Variants in LRPPRC observed in about 807,000 individuals in gnomAD.
LRPPRC encodes the protein leucine-rich PPR motif-containing protein, mitochondrial.
LRPPRC carries 120 observed loss-of-function variants against 180.3 expected under a neutral mutation model. The ratio of observed to expected loss-of-function variants is 0.67; its 90% CI spans 0.57 to 0.77. LRPPRC has a LOEUF of 0.77. Ranked by LOEUF, LRPPRC falls within the 30% of genes least tolerant of loss-of-function variation. The probability of loss-of-function intolerance (pLI) is 0.00; values close to 1 mark genes in which losing one functional copy is unlikely to be tolerated. For synonymous variants in LRPPRC, 723 were observed against 600.0 expected (o/e 1.21, Z -3.00); for missense variants, 2,012 against 1,657.2 (o/e 1.21, Z -3.72).
In LRPPRC at chr2:43,979,881, C is replaced by T. The variant is rs745849701; in HGVS notation, c.414G>A (p.Lys138=). 2 of 1,613,220 alleles carry T rather than the reference C, an allele frequency of 1.2e-6. No individual in the cohort carries two copies. The highest frequency in any genetic ancestry group is 2.2e-5 in the East Asian group (1 of 44,832). Residue 138 remains lysine, a synonymous_variant, in exon 3 of 38, where the codon AAG becomes AAA. Transcript: ENST00000260665. ...GAGCAAATTCTGTTCTCTCTTCAAG[C>T]TTTAGTTCAGGCAAGAGAGAACCAC... is the stretch of plus-strand genomic sequence containing the variant. ...RSCGSLLPEL[K]LEERTEFAHR...
At chr2:43,933,513 G>A (rs1418829865) in intron 25 of LRPPRC, among the ~76,000 whole-genome samples, 1 of 152,184 alleles carries the variant, frequency 6.6e-6, no homozygotes, top group African/African-American at 2.4e-5. Context: ...TCTGCGGAAT[G>A]TTTTGTTTTC....
intron 23 of LRPPRC, among the ~76,000 whole-genome samples, chr2:43,937,415 C>G (rs1293995625): frequency 6.6e-6 from 1 of 152,078 alleles, no homozygotes; most frequent in Admixed American, 6.5e-5. Context: ...GTGGTTGGAT[C>G]ATGTCATTTT....
intron 30 of LRPPRC, among the ~76,000 whole-genome samples, chr2:43,911,874 A>G (rs1671274635): frequency 6.6e-6 from 1 of 152,060 alleles, no homozygotes; most frequent in Non-Finnish European, 1.5e-5. Context: ...AGGGGGAAAC[A>G]CAAATAAGAT....
intron 13 of LRPPRC, among the ~76,000 whole-genome samples, chr2:43,958,393 A>G (rs1673208208): frequency 6.6e-6 from 1 of 152,236 alleles, no homozygotes; most frequent in African/African-American, 2.4e-5. Context: ...TGGTTTCATT[A>G]AAGAAAAATC....
At position 43,912,545 on chromosome 2, in the gene LRPPRC, A is replaced by C; in HGVS notation, c.3162T>G (p.Ile1054Met). Reference protein sequence around the residue: ...RLNQKKGAYDIFLNAKEQNIV... With the variant: ...RLNQKKGAYDMFLNAKEQNIV... Reference sequence around the variant, plus strand: ...TGTTTTGCTCTTTTGCATTCAGGAAAATATCATATGCCCCTATGAGAGAAA... The same window carrying C: ...TGTTTTGCTCTTTTGCATTCAGGAACATATCATATGCCCCTATGAGAGAAA... Residue 1054 changes from isoleucine to methionine, a missense_variant, in exon 30 of 38, where the codon ATT (isoleucine) becomes ATG (methionine). By Grantham distance (10) the Ile-to-Met change is conservative. Coordinates refer to ENST00000260665, the MANE Select transcript of LRPPRC (RefSeq NM_133259.4). 2.5e-6 allele frequency: 4 copies of C among 1,609,860 alleles called. No homozygotes were observed. The South Asian group carries it at 4.4e-5, about 18-fold the overall frequency.
At chr2:43,970,536 T>C (rs191074825) in intron 11 of LRPPRC, among the ~76,000 whole-genome samples, 3 of 152,298 alleles carry the variant, frequency 2.0e-5, no homozygotes, top group East Asian at 1.9e-4. Flanking sequence ...TAGATATAAA[T>C]AGATTCCAAA....
intron 25 of LRPPRC, among the ~76,000 whole-genome samples, chr2:43,930,885 CAA>C (rs887224750): frequency 6.6e-6 from 1 of 152,080 alleles, no homozygotes; most frequent in Non-Finnish European, 1.5e-5. Flanking sequence ...TGTAAACAAA[CAA>C]ACAGAAAAAT....
At chr2:43,907,891 T>C (rs953832275) in intron 30 of LRPPRC, among the ~76,000 whole-genome samples, 2 of 152,208 alleles carry the variant, frequency 1.3e-5, no homozygotes, top group Admixed American at 6.5e-5. Flanking sequence ...TGTTGCCTTA[T>C]GGTTTTAATG....
chr2:43,971,485 T>TAAAAAGAAAAAAAAAA (rs1673802990), intron 11 of LRPPRC, among the ~76,000 whole-genome samples: 1 of 62,418 alleles, frequency 1.6e-5, no homozygotes, highest in African/African-American at 7.9e-5. Context: ...TGTGTCACAG[T>TAAAAAGAAAAAAAAAA]AAAAAAAAAA....
At position 43,926,453 on chromosome 2, in the gene LRPPRC, C is replaced by T. The variant is rs147890756; in HGVS notation, c.2737-492G>A. 3.0e-3 allele frequency among the ~76,000 whole-genome samples: 464 copies of T among 152,160 alleles called. 2 individuals are homozygous for T. The highest frequency in any genetic ancestry group is 4.0e-3 in the Non-Finnish European group (275 of 68,006). On this transcript the variant is annotated intron_variant, in intron 25 of 37. Coordinates refer to ENST00000260665, the MANE Select transcript of LRPPRC (RefSeq NM_133259.4). The stretch of plus-strand genomic sequence containing the variant: ...CATGATCTTGGCTCACTGCAACCTC[C>T]GCCTCATGGGTTCAAGTAATTCTCC...
Position 43,993,900 on chromosome 2 carries a change from A to G in LRPPRC, c.149+1899T>C, listed in dbSNP as rs201092431. Among the ~76,000 whole-genome samples the G allele has an allele frequency of 4.6e-5, 7 of 152,300 alleles. No homozygotes were observed. In the East Asian group the frequency reaches 9.6e-4, roughly 21 times the overall value. ...ATGATAAGAAAGCAACTTTACAAAG[A>G]TAAGGGGGAAAGGCCTTTACAGATA... On this transcript the variant is annotated intron_variant, in intron 1 of 37. Coordinates refer to ENST00000260665, the MANE Select transcript of LRPPRC (RefSeq NM_133259.4).
intron 29 of LRPPRC, among the ~76,000 whole-genome samples, chr2:43,916,204 C>T (rs1176664722): frequency 6.6e-6 from 1 of 152,112 alleles, no homozygotes; most frequent in African/African-American, 2.4e-5. Flanking sequence ...CTATCATGAA[C>T]CATCCTTGAA....
In LRPPRC at chr2:43,925,917, A is replaced by G. The variant is rs2105042538; in HGVS notation, c.2781T>C (p.Cys927=). 6.2e-7 allele frequency: 1 copy of G among 1,612,752 alleles called. No individual in the cohort carries two copies. The highest frequency in any genetic ancestry group is 8.5e-7 in the Non-Finnish European group (1 of 1,178,718). ...RARSARLQWF[C]DRCVANNQVE... The stretch of plus-strand genomic sequence containing the variant: ...CCTGATTATTTGCAACACATCTGTC[A>G]CAAAACCACTGAAGCCTTGCAGATC... Residue 927 remains cysteine (C), a synonymous_variant, in exon 26 of 38, where the codon TGT becomes TGC. Transcript: ENST00000260665.
intron 23 of LRPPRC, among the ~76,000 whole-genome samples, chr2:43,941,989 T>C (rs1672499026): frequency 6.6e-6 from 1 of 152,084 alleles, no homozygotes; most frequent in Admixed American, 6.6e-5. Flanking sequence ...AGAGCCAAAT[T>C]TGACTGAGAC....
chr2:43,897,323 T>C (rs1430442225), intron 34 of LRPPRC, among the ~76,000 whole-genome samples: 1 of 152,132 alleles, frequency 6.6e-6, no homozygotes, highest in African/African-American at 2.4e-5. Context: ...CAAATGTCTA[T>C]CCAATCTTAG....
chr2:43,905,185 A>T (rs1302043974), intron 31 of LRPPRC, among the ~76,000 whole-genome samples: 1 of 152,224 alleles, frequency 6.6e-6, no homozygotes, highest in Non-Finnish European at 1.5e-5. Flanking sequence ...AAAGTATTAG[A>T]TTAAGTTTTA....
chr2:43,993,460 GAAAGTGAATGAAAAGTGATGAAATTA>G (rs1674876091), intron 1 of LRPPRC, among the ~76,000 whole-genome samples: 1 of 152,118 alleles, frequency 6.6e-6, no homozygotes. Context: ...CAGTGGATAG[GAAAGTGAATGAAAAGTGATGAAATTA>G]AAGGGACAGA....
intron 34 of LRPPRC, among the ~76,000 whole-genome samples, chr2:43,897,184 T>C (rs1026139446): frequency 2.0e-5 from 3 of 152,190 alleles, no homozygotes; most frequent in Admixed American, 1.3e-4. Flanking sequence ...CCTACACTTA[T>C]GCATACAAAA....
intron 34 of LRPPRC, among the ~76,000 whole-genome samples, chr2:43,898,222 T>C (rs892970294): frequency 1.3e-5 from 2 of 152,110 alleles, no homozygotes; most frequent in Admixed American, 1.3e-4. Flanking sequence ...TTAACAGAGA[T>C]ACAGTTTTTC....
Sources: allele counts gnomAD v4.1 joint callset (sites outside exome capture counted in the v4.1 genomes callset), GRCh38; gene constraint gnomAD v4.1.1; transcripts MANE v1.5; gene names NCBI Gene and HGNC (gene_info 2026-07-23, HGNC 2026-07-21).